Variants in PDGFC observed in about 807,000 individuals in gnomAD.
PDGFC encodes platelet derived growth factor C, also known as platelet-derived growth factor C.
A neutral mutation model predicts 35.5 loss-of-function variants in PDGFC; 12 were observed. The ratio of observed to expected loss-of-function variants is 0.34; its 90% confidence interval spans 0.22 to 0.55. PDGFC has a LOEUF of 0.55. Among genes scored for constraint, PDGFC ranks in the 20% least tolerant of loss-of-function variants. PDGFC has a pLI of 0.91. For synonymous variants in PDGFC, 159 were observed against 148.8 expected (o/e 1.07, Z -0.50); for missense variants, 322 against 412.4 (o/e 0.78, Z 1.90).
chr4:156,891,948 T>C (rs1372478152), intron 1 of PDGFC, among the ~76,000 whole-genome samples: 1 of 152,152 alleles, frequency 6.6e-6, no homozygotes, highest in Non-Finnish European at 1.5e-5. Flanking sequence ...AGTACTCTTA[T>C]TCAAAATGCC....
At chr4:156,850,492 T>C (rs1178003186) in intron 1 of PDGFC, 76 bp from the exon 2 acceptor site, 9 of 765,892 alleles carry the variant, frequency 1.2e-5, no homozygotes, top group Non-Finnish European at 1.6e-5. Context: ...TGTTTATTAT[T>C]CACACTTTAC....
chr4:156,824,600 T>C (rs1732390501), intron 2 of PDGFC, among the ~76,000 whole-genome samples: 1 of 152,114 alleles, frequency 6.6e-6, no homozygotes, highest in Non-Finnish European at 1.5e-5. Flanking sequence ...TTCTTTCCTA[T>C]GACTGATCAG....
chr4:156,926,049 C>CAAAAAAAAA (rs397707839), intron 1 of PDGFC, among the ~76,000 whole-genome samples: 15 of 67,532 alleles, frequency 2.2e-4, no homozygotes, highest in Non-Finnish European at 3.0e-4. Context: ...AGATCTGTCT[C>CAAAAAAAAA]AAAAAAAAAA....
chr4:156,826,286 G>A (rs187653928), intron 2 of PDGFC, among the ~76,000 whole-genome samples: 8,722 of 134,008 alleles, frequency 0.065, 864 homozygotes, highest in African/African-American at 0.22. Flanking sequence ...TCTGCCTCCC[G>A]GGTTCAAGCG....
intron 3 of PDGFC, among the ~76,000 whole-genome samples, chr4:156,780,553 T>C (rs1205187888): frequency 6.6e-6 from 1 of 152,192 alleles, no homozygotes; most frequent in Non-Finnish European, 1.5e-5. Flanking sequence ...TTGTCAATTA[T>C]ATGTTCAATA....
At chr4:156,960,462 C>T (rs564555990) in intron 1 of PDGFC, among the ~76,000 whole-genome samples, 25 of 150,390 alleles carry the variant, frequency 1.7e-4, no homozygotes, top group Non-Finnish European at 2.2e-4. Flanking sequence ...TACACACACA[C>T]GTGTGTGTGT....
intron 2 of PDGFC, among the ~76,000 whole-genome samples, chr4:156,847,797 A>G (rs1729362343): frequency 6.6e-6 from 1 of 151,882 alleles, no homozygotes. Context: ...TGGGAATAAA[A>G]TAAGGTGAGA....
At chr4:156,807,375 T>A (rs1371023635) in intron 3 of PDGFC, among the ~76,000 whole-genome samples, 1 of 152,006 alleles carries the variant, frequency 6.6e-6, no homozygotes, top group East Asian at 1.9e-4. Context: ...TATGTCTTAT[T>A]GTAAGGTACC....
intron 3 of PDGFC, among the ~76,000 whole-genome samples, chr4:156,778,489 A>C (rs973564912): frequency 2.6e-5 from 4 of 152,192 alleles, no homozygotes; most frequent in African/African-American, 9.6e-5. Flanking sequence ...TTTCTTATTG[A>C]CTTTTCCACT....
chr4:156,942,541 C>T (rs541704716), intron 1 of PDGFC, among the ~76,000 whole-genome samples: 8 of 151,630 alleles, frequency 5.3e-5, no homozygotes, highest in African/African-American at 1.4e-4. Flanking sequence ...AATAACCATG[C>T]CCTATCCATT....
chr4:156,945,338 CATACATATATATAT>C (rs1731914670), intron 1 of PDGFC, among the ~76,000 whole-genome samples: 1 of 37,452 alleles, frequency 2.7e-5, no homozygotes, highest in Non-Finnish European at 6.2e-5. Flanking sequence ...TATACATATA[CATACATATATATAT>C]ATATATATAT....
chr4:156,780,811 GA>G (rs1177965704), intron 3 of PDGFC, among the ~76,000 whole-genome samples: 2 of 151,964 alleles, frequency 1.3e-5, no homozygotes, highest in Non-Finnish European at 2.9e-5. Context: ...GGTCAGCAAT[GA>G]CCCCCCCACA....
chr4:156,848,385 T>G (rs1478511888), intron 2 of PDGFC, among the ~76,000 whole-genome samples: 1 of 151,962 alleles, frequency 6.6e-6, no homozygotes, highest in East Asian at 1.9e-4. Flanking sequence ...TATAAATGTC[T>G]TAAAACACTG....
intron 2 of PDGFC, among the ~76,000 whole-genome samples, chr4:156,849,997 A>C (rs1729414271): frequency 6.6e-6 from 1 of 152,076 alleles, no homozygotes; most frequent in Non-Finnish European, 1.5e-5. Context: ...ATATTAAATA[A>C]TTTTAGAAGT....
At chr4:156,831,849 T>C (rs1560831705) in intron 2 of PDGFC, among the ~76,000 whole-genome samples, 1 of 152,152 alleles carries the variant, frequency 6.6e-6, no homozygotes, top group Non-Finnish European at 1.5e-5. Flanking sequence ...CAAACCTTAT[T>C]ATAATATCAA....
chr4:156,908,278 T>C (rs1158588134), intron 1 of PDGFC, among the ~76,000 whole-genome samples: 3 of 152,216 alleles, frequency 2.0e-5, no homozygotes, highest in Non-Finnish European at 4.4e-5. Flanking sequence ...AAGAGATTTA[T>C]GATGCATTAT....
chr4:156,810,741 T>C, intron 3 of PDGFC, 96 bp downstream of exon 3: 2 of 806,552 alleles, frequency 2.5e-6, no homozygotes, highest in Non-Finnish European at 4.0e-6. Flanking sequence ...GTTTGTTTTC[T>C]GATTTTTTTT....
intron 1 of PDGFC, among the ~76,000 whole-genome samples, chr4:156,855,693 C>T (rs559940616): frequency 1.4e-4 from 22 of 152,234 alleles, no homozygotes; most frequent in African/African-American, 5.3e-4. Context: ...TTGTGCTTTG[C>T]TATGCTCACT....
At chr4:156,925,033 T>C (rs911040865) in intron 1 of PDGFC, among the ~76,000 whole-genome samples, 8 of 152,248 alleles carry the variant, frequency 5.3e-5, no homozygotes, top group Admixed American at 4.6e-4. Context: ...AACTTTATGC[T>C]GGAATCTAAA....
Sources: allele counts gnomAD v4.1 joint callset (sites outside exome capture counted in the v4.1 genomes callset), GRCh38; gene constraint gnomAD v4.1.1; transcripts MANE v1.5; gene names NCBI Gene and HGNC (gene_info 2026-07-23, HGNC 2026-07-21).